The following STARD6 variants were observed in gnomAD, a reference collection of about 807,000 sequenced individuals.
STARD6 encodes the protein StAR related lipid transfer domain containing 6.
In STARD6, 21 loss-of-function variants were observed where a neutral mutation model predicts 22.3. The ratio of observed to expected loss-of-function variants is 0.94; its 90% CI spans 0.67 to 1.35. The LOEUF is 1.35. STARD6 is among the 40% of genes most tolerant of loss of function. STARD6 has a pLI of 0.00. For missense variants in STARD6, 269 were observed against 266.9 expected (o/e 1.01, Z -0.05); for synonymous variants, 80 against 88.1 (o/e 0.91, Z 0.52).
chr18:54,352,967 A>T (rs1421463447), intron 4 of STARD6, among the ~76,000 whole-genome samples: 2 of 151,664 alleles, frequency 1.3e-5, no homozygotes, highest in Non-Finnish European at 2.9e-5. Context: ...GACCATACCC[A>T]CTCCTCCCTG....
chr18:54,342,419 C>G (rs115619750), intron 4 of STARD6, among the ~76,000 whole-genome samples: 1 of 105,036 alleles, frequency 9.5e-6, no homozygotes, highest in Admixed American at 9.4e-5. Flanking sequence ...AGAAAATGCT[C>G]TCCGTCTCCC....
chr18:54,345,858 G>C (rs2089028822), intron 4 of STARD6, among the ~76,000 whole-genome samples: 1 of 152,064 alleles, frequency 6.6e-6, no homozygotes, highest in South Asian at 2.1e-4. Context: ...AAATAGTGCT[G>C]GGACAATTGG....
chr18:54,346,298 C>G (rs561438902), intron 4 of STARD6, among the ~76,000 whole-genome samples: 1 of 151,896 alleles, frequency 6.6e-6, no homozygotes, highest in African/African-American at 2.4e-5. Flanking sequence ...TCAATATGCA[C>G]GTAAGAAGAA....
chr18:54,334,547 T>C (rs750959180), intron 5 of STARD6, among the ~76,000 whole-genome samples: 3 of 152,014 alleles, frequency 2.0e-5, no homozygotes, highest in Non-Finnish European at 2.9e-5. Context: ...AGACTTTGTT[T>C]ATCTCTTGAC....
Position 54,342,524 on chromosome 18 carries a change from C to G in STARD6, c.141-5273G>C, listed in dbSNP as rs1389926199. ...CCACGGTCTCCCTCTCATGCGGAGC[C>G]GAAGCTGGACTGTACTGCTGCCATC... On this transcript the variant is annotated intron_variant, in intron 4 of 7. Coordinates refer to ENST00000307844, the MANE Select transcript of STARD6 (RefSeq NM_139171.2). 2.9e-5 allele frequency among the ~76,000 whole-genome samples: 4 copies of G among 135,930 alleles called. No individual in the cohort carries two copies. The East Asian group carries it at 8.1e-4, about 27-fold the overall frequency. The allele number at this position is 135,930 out of a possible 152,430, so 89.2% of individuals were successfully genotyped here. A position where few individuals can be genotyped will look rare whatever the true frequency, so the allele number is the denominator to read the frequency against.
Position 54,331,769 on chromosome 18 carries a change from A to T in STARD6, c.358T>A (p.Tyr120Asn). ...DFIDLVYIKR[Y>N]EGNMNIISSK... is the part of the protein sequence containing the mutation. ...CTGATAATGTTCATATTTCCTTCGT[A>T]GCGCTTGATGTACACTAAGTCGATA... Residue 120 changes from tyrosine to asparagine, a missense_variant, in exon 6 of 8, where the codon TAC becomes AAC. Coordinates refer to ENST00000307844, the MANE Select transcript of STARD6 (RefSeq NM_139171.2). 6.2e-7 allele frequency: 1 copy of T among 1,611,422 alleles called. No homozygotes were observed. The highest frequency in any genetic ancestry group is 8.5e-7 in the Non-Finnish European group (1 of 1,178,318).
intron 4 of STARD6, among the ~76,000 whole-genome samples, chr18:54,338,299 T>C (rs1327163370): frequency 6.6e-6 from 1 of 152,192 alleles, no homozygotes; most frequent in Non-Finnish European, 1.5e-5. Flanking sequence ...AGTCCCTGGC[T>C]AAATCCAGAG....
chr18:54,342,518 C>T (rs1469967615), intron 4 of STARD6, among the ~76,000 whole-genome samples: 2 of 133,090 alleles, frequency 1.5e-5, no homozygotes, highest in African/African-American at 3.0e-5. Context: ...CCCTCTCATG[C>T]GGAGCCGAAG....
intron 7 of STARD6, among the ~76,000 whole-genome samples, chr18:54,325,391 T>G (rs979022196): frequency 1.3e-5 from 2 of 152,204 alleles, no homozygotes; most frequent in Non-Finnish European, 2.9e-5. Flanking sequence ...AACTTCCTTC[T>G]GTGTCTGTAC....
chr18:54,348,744 T>A (rs1254973343), intron 4 of STARD6, among the ~76,000 whole-genome samples: 1 of 152,122 alleles, frequency 6.6e-6, no homozygotes, highest in African/African-American at 2.4e-5. Context: ...TGCTGGTAGG[T>A]CTGTATTTCA....
At chr18:54,351,368 G>T (rs2089094458) in intron 4 of STARD6, among the ~76,000 whole-genome samples, 1 of 152,058 alleles carries the variant, frequency 6.6e-6, no homozygotes, top group Non-Finnish European at 1.5e-5. Flanking sequence ...GGAACTTTTT[G>T]GATGAGTCAT....
At chr18:54,345,731 G>A (rs565232059) in intron 4 of STARD6, among the ~76,000 whole-genome samples, 1 of 152,290 alleles carries the variant, frequency 6.6e-6, no homozygotes, top group African/African-American at 2.4e-5. Flanking sequence ...CATAAGGACA[G>A]ACAGAGAGAT....
chr18:54,346,116 A>G (rs1002422124), intron 4 of STARD6, among the ~76,000 whole-genome samples: 2 of 152,190 alleles, frequency 1.3e-5, no homozygotes, highest in African/African-American at 4.8e-5. Context: ...TACCATCAAG[A>G]GAGTGAGAAG....
intron 7 of STARD6, among the ~76,000 whole-genome samples, chr18:54,325,141 T>TA (rs2088813511): frequency 6.6e-6 from 1 of 152,078 alleles, no homozygotes; most frequent in African/African-American, 2.4e-5. Context: ...TTTTCATAAT[T>TA]AAAGAAAATT....
chr18:54,339,314 TATAGAA>T lies in STARD6; in HGVS notation c.141-2069_141-2064del, dbSNP rs1396254060. Among the ~76,000 whole-genome samples, 9 of 151,258 alleles carry T rather than the reference TATAGAA, an allele frequency of 6.0e-5. No homozygotes were observed. The South Asian group carries it at 1.7e-3, about 28-fold the overall frequency. On this transcript the variant is annotated intron_variant, in intron 4 of 7. Coordinates refer to ENST00000307844, the MANE Select transcript of STARD6 (RefSeq NM_139171.2). ...AGAAAAAGAAAAATATGCAAAAAAA[TATAGAA>T]ATAAAATAATGAGTAAAATTTCTAC...
chr18:54,326,326 C>CTTTTTTTTTTTTTTTTTTTT, intron 7 of STARD6, among the ~76,000 whole-genome samples: 1 of 120,272 alleles, frequency 8.3e-6, no homozygotes, highest in Non-Finnish European at 1.7e-5. Flanking sequence ...GCTGACAGGT[C>CTTTTTTTTTTTTTTTTTTTT]TTTTTTTTTT....
At chr18:54,352,882 C>CT (rs1214366667) in intron 4 of STARD6, among the ~76,000 whole-genome samples, 1 of 152,166 alleles carries the variant, frequency 6.6e-6, no homozygotes, top group Non-Finnish European at 1.5e-5. Flanking sequence ...AGGTTGCTGT[C>CT]TACACTGGTC....
rs1458050766 is a variant in STARD6 at position 54,356,370 on chromosome 18, C to T, written c.-14G>A. Reference sequence around the variant, plus strand: ...GTCCTGGTTTCTTTACCTTTCCTGACAGATCTAATGCAGAATTTTAGTAAC... The same window carrying T: ...GTCCTGGTTTCTTTACCTTTCCTGATAGATCTAATGCAGAATTTTAGTAAC... On this transcript the variant is annotated 5_prime_UTR_variant, in exon 2 of 8. Transcript: ENST00000307844. 2 of 152,346 alleles carry T rather than the reference C, an allele frequency of 1.3e-5. No homozygotes were observed. Among genetic ancestry groups the T allele is most frequent in the Non-Finnish European group, 2.9e-5 (2 of 68,036 alleles). The allele number at this position is 152,346 out of a possible 1,614,324, so 9.4% of individuals were successfully genotyped here.
chr18:54,336,367 G>A (rs2088912458), intron 5 of STARD6, among the ~76,000 whole-genome samples: 1 of 152,138 alleles, frequency 6.6e-6, no homozygotes, highest in Non-Finnish European at 1.5e-5. Flanking sequence ...GGATCATGGG[G>A]GTGGTTTCCC....
Sources: gnomAD v4.1 joint callset for allele counts (sites outside exome capture counted in the v4.1 genomes callset) on GRCh38, gnomAD v4.1.1 for gene constraint, MANE v1.5 for transcripts, NCBI Gene and HGNC (gene_info 2026-07-23, HGNC 2026-07-21) for gene names.